Variants in KLRG1 observed in about 807,000 individuals in gnomAD.
The protein encoded by KLRG1 is killer cell lectin like receptor G1, also known as killer cell lectin-like receptor subfamily G member 1.
KLRG1 carries 16 observed loss-of-function variants against 21.8 expected under a neutral mutation model. That is an observed-to-expected ratio of 0.73 (90% confidence interval 0.50 to 1.11). KLRG1 has a LOEUF of 1.11. KLRG1 is among the 50% of genes most tolerant of loss of function. The pLI is 0.00. For missense variants in KLRG1, 173 were observed against 218.3 expected (o/e 0.79, Z 1.31); for synonymous variants, 69 against 75.9 (o/e 0.91, Z 0.47).
At chr12:9,205,402 A>G in the KLRG1 span, among the ~76,000 whole-genome samples, 4 of 152,210 alleles carry the variant, frequency 2.6e-5, no homozygotes, top group Non-Finnish European at 4.4e-5. Context: ...GCCACATGAC[A>G]AGAATTGTTA....
chr12:9,030,662 T>G, the KLRG1 span, among the ~76,000 whole-genome samples: 34 of 152,152 alleles, frequency 2.2e-4, no homozygotes, highest in African/African-American at 8.2e-4. Context: ...CGCCTCGGCC[T>G]CCCAAAGTGC....
chr12:9,025,636 C>T, the KLRG1 span, among the ~76,000 whole-genome samples: 1 of 151,932 alleles, frequency 6.6e-6, no homozygotes, highest in African/African-American at 2.4e-5. Context: ...GACTTCATCT[C>T]AAAAAAAACC....
At chr12:9,023,327 T>G in the KLRG1 span, among the ~76,000 whole-genome samples, 1 of 152,202 alleles carries the variant, frequency 6.6e-6, no homozygotes, top group South Asian at 2.1e-4. Context: ...GAAAAATCCC[T>G]ACACATTTGG....
the KLRG1 span, among the ~76,000 whole-genome samples, chr12:9,049,751 T>C: frequency 6.6e-6 from 1 of 152,192 alleles, no homozygotes; most frequent in African/African-American, 2.4e-5. Flanking sequence ...TATTACTGTA[T>C]ATGAAAGGGG....
At chr12:9,142,278 T>A in the KLRG1 span, among the ~76,000 whole-genome samples, 3 of 152,220 alleles carry the variant, frequency 2.0e-5, no homozygotes, top group Non-Finnish European at 4.4e-5. Context: ...AAGATGAAGC[T>A]ATCTTTATTA....
the KLRG1 span, among the ~76,000 whole-genome samples, chr12:9,187,701 T>C: frequency 3.3e-5 from 5 of 152,342 alleles, no homozygotes; most frequent in Non-Finnish European, 7.3e-5. Context: ...GGGAAACTTA[T>C]AGCACTAAAC....
chr12:9,050,873 C>G, the KLRG1 span, among the ~76,000 whole-genome samples: 5 of 152,236 alleles, frequency 3.3e-5, no homozygotes, highest in Non-Finnish European at 5.9e-5. Context: ...GGGGTGTCTG[C>G]TTCCACTGCC....
the KLRG1 span, among the ~76,000 whole-genome samples, chr12:9,166,386 GT>G: frequency 6.6e-6 from 1 of 152,164 alleles, no homozygotes; most frequent in Admixed American, 6.5e-5. Flanking sequence ...AGGAGTCTTT[GT>G]CAAAGGTGGA....
At chr12:9,081,145 T>G in the KLRG1 span, among the ~76,000 whole-genome samples, 2 of 152,108 alleles carry the variant, frequency 1.3e-5, no homozygotes, top group African/African-American at 4.8e-5. Flanking sequence ...GATAAAGAAT[T>G]AGTGTCATAC....
At chr12:9,039,918 T>C in the KLRG1 span, among the ~76,000 whole-genome samples, 1 of 152,214 alleles carries the variant, frequency 6.6e-6, no homozygotes, top group Non-Finnish European at 1.5e-5. Flanking sequence ...ATTCAGGTTA[T>C]TGCCAGGTAT....
chr12:9,069,738 C>T, the KLRG1 span: 3 of 1,608,816 alleles, frequency 1.9e-6, no homozygotes, highest in Admixed American at 5.0e-5. Context: ...ACTGGAAGTT[C>T]TCTTACCTTA....
At chr12:9,124,867 G>A in the KLRG1 span, among the ~76,000 whole-genome samples, 3 of 152,204 alleles carry the variant, frequency 2.0e-5, no homozygotes, top group African/African-American at 7.2e-5. Context: ...CCTGAAGGTT[G>A]GGATCCCGGC....
chr12:9,197,425 A>C, the KLRG1 span, among the ~76,000 whole-genome samples: 30,891 of 135,898 alleles, frequency 0.23, 4,305 homozygotes, highest in Admixed American at 0.34. Flanking sequence ...AATTAAAATA[A>C]TTATTAATTA....
At chr12:9,187,012 A>G in the KLRG1 span, among the ~76,000 whole-genome samples, 2 of 151,698 alleles carry the variant, frequency 1.3e-5, no homozygotes, top group Non-Finnish European at 2.9e-5. Context: ...AAAAAAAAAG[A>G]AAAAGAGAAA....
chr12:9,172,438 C>G, the KLRG1 span, among the ~76,000 whole-genome samples: 16 of 151,928 alleles, frequency 1.1e-4, no homozygotes, highest in Admixed American at 5.9e-4. Flanking sequence ...ATAAACAAGT[C>G]TGCAAAAAAG....
chr12:9,165,653 G>A, the KLRG1 span, among the ~76,000 whole-genome samples: 1 of 152,112 alleles, frequency 6.6e-6, no homozygotes, highest in East Asian at 1.9e-4. Flanking sequence ...AACTTCCCTT[G>A]CTATTGTATA....
the KLRG1 span, among the ~76,000 whole-genome samples, chr12:9,182,786 T>C: frequency 1.3e-5 from 2 of 152,288 alleles, no homozygotes; most frequent in East Asian, 3.9e-4. Flanking sequence ...GGGACTTGAG[T>C]AGATGGCCCA....
rs74784706 is a variant in KLRG1, at chr12:8,959,621, C to T, written c.-156+9385C>T. Among the ~76,000 whole-genome samples the T allele has an allele frequency of 5.3e-3, 807 of 152,244 alleles. 3 individuals are homozygous for T. Among genetic ancestry groups the T allele is most frequent in the African/African-American group, 0.019 (775 of 41,542 alleles). On this transcript the variant is annotated intron_variant, in intron 1 of 4. Coordinates refer to the KLRG1 transcript ENST00000539240. ...TCTTTGCTGCAACACCTGCTGTTCTCATTGTTTTTTTCAGGGCAGCAGGCA... is the reference window on the plus strand; with the variant it reads ...TCTTTGCTGCAACACCTGCTGTTCTTATTGTTTTTTTCAGGGCAGCAGGCA...
At chr12:9,067,989 G>A in the KLRG1 span, 3 of 972,022 alleles carry the variant, frequency 3.1e-6, no homozygotes, top group Non-Finnish European at 4.8e-6. Flanking sequence ...TTACCCATAA[G>A]CAATCCTATG....
Sources: gnomAD v4.1 joint callset for allele counts (sites outside exome capture counted in the v4.1 genomes callset) on GRCh38, gnomAD v4.1.1 for gene constraint, MANE v1.5 for transcripts, NCBI Gene and HGNC (gene_info 2026-07-23, HGNC 2026-07-21) for gene names.